CD55: variants seen among roughly 807,000 people sequenced by gnomAD.
The protein encoded by CD55 is CD55 molecule (Cromer blood group).
In CD55, 41 loss-of-function variants were observed where a neutral mutation model predicts 45.8. That is an observed-to-expected ratio of 0.90 (90% CI 0.70 to 1.16). The LOEUF (loss-of-function observed/expected upper bound fraction) is 1.16. Ranked by LOEUF, CD55 falls within the 50% of genes most tolerant of loss-of-function variation. The pLI, the probability that CD55 is intolerant of heterozygous loss-of-function variation, is 0.00. For synonymous variants in CD55, 181 were observed against 181.1 expected (o/e 1.00, Z 0.01); for missense variants, 416 against 469.8 (o/e 0.89, Z 1.06).
At chr1:207,339,772 A>G (rs1315141723) in intron 9 of CD55, among the ~76,000 whole-genome samples, 1 of 152,194 alleles carries the variant, frequency 6.6e-6, no homozygotes, top group African/African-American at 2.4e-5. Flanking sequence ...AAAATCCAGT[A>G]ATTCCTTAAT....
intron 9 of CD55, among the ~76,000 whole-genome samples, chr1:207,355,891 C>T (rs984192132): frequency 6.6e-6 from 1 of 152,158 alleles, no homozygotes; most frequent in Non-Finnish European, 1.5e-5. Flanking sequence ...CCTCTCAAAC[C>T]TGTCAAAAAA....
rs1655208928 is a variant in CD55, at chr1:207,337,047, A to G, written c.979+229A>G. 5 of 619,328 alleles carry G rather than the reference A, an allele frequency of 8.1e-6. No individual in the cohort carries two copies. The Admixed American group carries it at 1.2e-4, about 15-fold the overall frequency. 38.4% of individuals were successfully genotyped at this position (619,328 alleles called of 1,614,324 possible). On this transcript the variant is annotated intron_variant, in intron 7 of 9. Coordinates refer to ENST00000367064, the MANE Select transcript of CD55 (RefSeq NM_000574.5). ...GCTACAGGAACCCTACCAACTCTTCAGAAACCCACCAGAGCAAATGATTCA... is the reference window on the plus strand; with the variant it reads ...GCTACAGGAACCCTACCAACTCTTCGGAAACCCACCAGAGCAAATGATTCA...
chr1:207,327,323 T>G (rs1209312621), intron 5 of CD55, among the ~76,000 whole-genome samples: 2 of 152,184 alleles, frequency 1.3e-5, no homozygotes, highest in Non-Finnish European at 2.9e-5. Flanking sequence ...TTCTTAGGAT[T>G]AAAATAATTA....
intron 9 of CD55, among the ~76,000 whole-genome samples, chr1:207,348,302 A>G (rs1655730083): frequency 6.6e-6 from 1 of 152,046 alleles, no homozygotes; most frequent in Non-Finnish European, 1.5e-5. Context: ...TTTTGATTGC[A>G]TTTCTCTAAT....
chr1:207,340,935 C>T (rs1439295073), intron 9 of CD55, among the ~76,000 whole-genome samples: 2 of 152,148 alleles, frequency 1.3e-5, no homozygotes, highest in Non-Finnish European at 2.9e-5. Flanking sequence ...TTTCCCTTTT[C>T]TTCACGTCCT....
chr1:207,322,737 G>A lies in CD55; in HGVS notation c.286+170G>A, dbSNP rs28371590. 7.1e-3 allele frequency among the ~76,000 whole-genome samples: 1,077 copies of A among 152,310 alleles called. 14 individuals are homozygous for A. Among genetic ancestry groups the A allele is most frequent in the African/African-American group, 0.025 (1,023 of 41,558 alleles). On this transcript the variant is annotated intron_variant, in intron 2 of 9. Transcript: ENST00000367064. ...GCTAATTGAAGACATTTACCACCCT[G>A]AGTAGGTCCTGCTGCTTCATTAAGA...
chr1:207,324,796 G>A (rs1437189936), intron 3 of CD55, 46 bp downstream of exon 3: 3 of 1,206,114 alleles, frequency 2.5e-6, no homozygotes, highest in Non-Finnish European at 3.6e-6. Context: ...GGTGTTTGGG[G>A]GAAATAGTAT....
chr1:207,359,664 T>A lies in CD55; in HGVS notation c.*54T>A. 1 of 1,544,222 alleles carries A rather than the reference T, an allele frequency of 6.5e-7. No individual in the cohort carries two copies. Among genetic ancestry groups the A allele is most frequent in the Non-Finnish European group, 8.7e-7 (1 of 1,153,298 alleles). ...ACAAGTATACAGACTGTTCCTAGTT[T>A]CTTAGACTTATCTGCATATTGGATA... is the stretch of plus-strand genomic sequence containing the variant. On this transcript the variant is annotated 3_prime_UTR_variant, in exon 10 of 10. Transcript: ENST00000367064.
At position 207,359,609 on chromosome 1, in the gene CD55, A is replaced by C. The variant is rs772409316; in HGVS notation, c.1145A>C (p.Ter382SerextTer5). The C allele has an allele frequency of 6.3e-7, 1 of 1,591,606 alleles. No individual in the cohort carries two copies. Among genetic ancestry groups the C allele is most frequent in the Non-Finnish European group, 8.5e-7 (1 of 1,171,696 alleles). ...CTAGTAACCATGGGCTTGCTGACTT[A>C]GCCAAAGAAGAGTTAAGAAGAAAAT... ...GTLVTMGLLT[*>S] is the part of the protein sequence containing the mutation. The change falls in exon 10 of 10, where the codon TAG becomes TCG. Residue 382 changes from the stop codon to serine (S), a stop_lost. Transcript: ENST00000367064.
intron 5 of CD55, among the ~76,000 whole-genome samples, chr1:207,330,610 C>T (rs1654899001): frequency 6.6e-6 from 1 of 152,168 alleles, no homozygotes; most frequent in South Asian, 2.1e-4. Context: ...AACTCTTAAA[C>T]ATGCTGCTTG....
chr1:207,322,111 T>C (rs1338422586), intron 1 of CD55: 2 of 628,658 alleles, frequency 3.2e-6, no homozygotes, highest in Non-Finnish European at 5.8e-6. Context: ...CCGGCTGGGT[T>C]TGCGGAGCAG....
chr1:207,353,309 C>G (rs1655955118), intron 9 of CD55, among the ~76,000 whole-genome samples: 1 of 152,008 alleles, frequency 6.6e-6, no homozygotes, highest in Non-Finnish European at 1.5e-5. Flanking sequence ...CTGAGACATT[C>G]ATAAGTCCCT....
At chr1:207,329,345 C>T (rs1327489914) in intron 5 of CD55, among the ~76,000 whole-genome samples, 1 of 152,240 alleles carries the variant, frequency 6.6e-6, no homozygotes, top group Non-Finnish European at 1.5e-5. Flanking sequence ...AAGAGTGACA[C>T]TGATAGCAAT....
At chr1:207,358,079 G>A (rs978085902) in intron 9 of CD55, among the ~76,000 whole-genome samples, 1 of 152,026 alleles carries the variant, frequency 6.6e-6, no homozygotes, top group East Asian at 1.9e-4. Flanking sequence ...ATTGTATTTT[G>A]GGGTTTTGCA....
intron 9 of CD55, among the ~76,000 whole-genome samples, chr1:207,341,405 A>G (rs535743513): frequency 6.6e-6 from 1 of 152,002 alleles, no homozygotes; most frequent in Non-Finnish European, 1.5e-5. Flanking sequence ...TGTGGATCTT[A>G]TGTTTAAGTT....
chr1:207,359,784 TGGAATCACA>T lies in CD55; in HGVS notation c.*175_*183del, dbSNP rs1409286552. On this transcript the variant is annotated 3_prime_UTR_variant, in exon 10 of 10. Coordinates refer to ENST00000367064, the MANE Select transcript of CD55 (RefSeq NM_000574.5). Reference sequence around the variant, plus strand: ...AGAGCAAGGAGAAAAAAGGCAGTCCTGGAATCACATTCTTAGCACACCTACACCTCTTGA... The same window carrying T: ...AGAGCAAGGAGAAAAAAGGCAGTCCTTTCTTAGCACACCTACACCTCTTGA... 45 of 708,188 alleles carry T rather than the reference TGGAATCACA, an allele frequency of 6.4e-5. No individual in the cohort carries two copies. The Middle Eastern group carries it at 1.5e-3, about 23-fold the overall frequency. 43.9% of individuals were successfully genotyped at this position (708,188 alleles called of 1,614,324 possible).
intron 6 of CD55, among the ~76,000 whole-genome samples, chr1:207,333,262 T>C (rs1655027498): frequency 1.3e-5 from 2 of 152,188 alleles, no homozygotes; most frequent in Admixed American, 6.5e-5. Context: ...GGACATTAGG[T>C]GGCTGGGAGA....
intron 5 of CD55, 36 bp downstream of exon 5, chr1:207,326,873 G>T (rs1654709470): frequency 7.4e-7 from 1 of 1,359,050 alleles, no homozygotes; most frequent in African/African-American, 1.4e-5. Context: ...CAGATTGTGA[G>T]GCTGAGTACT....
At chr1:207,353,652 A>G (rs180756810) in intron 9 of CD55, among the ~76,000 whole-genome samples, 7 of 152,306 alleles carry the variant, frequency 4.6e-5, no homozygotes, top group Admixed American at 2.6e-4. Context: ...ATATAATCAT[A>G]TAATCTTTCT....
Sources: allele counts gnomAD v4.1 joint callset (sites outside exome capture counted in the v4.1 genomes callset), GRCh38; gene constraint gnomAD v4.1.1; transcripts MANE v1.5; gene names NCBI Gene and HGNC (gene_info 2026-07-23, HGNC 2026-07-21).